Variants in PDE10A observed in about 807,000 individuals in gnomAD.
PDE10A encodes cAMP and cAMP-inhibited cGMP 3',5'-cyclic phosphodiesterase 10A.
In PDE10A, 39 loss-of-function variants were observed where a neutral mutation model predicts 97.7. That is an observed-to-expected ratio of 0.40 (90% CI 0.31 to 0.52). The LOEUF (loss-of-function observed/expected upper bound fraction) is 0.52. Ranked by LOEUF, PDE10A falls within the 20% of genes least tolerant of loss-of-function variation. The probability of loss-of-function intolerance (pLI) is 0.56; values close to 1 mark genes in which losing one functional copy is unlikely to be tolerated. For synonymous variants in PDE10A, 371 were observed against 376.8 expected (o/e 0.98, Z 0.18); for missense variants, 731 against 1,047.8 (o/e 0.70, Z 4.17).
chr6:165,854,127 T>C (rs1006489874), intron 1 of PDE10A, among the ~76,000 whole-genome samples: 6 of 152,070 alleles, frequency 3.9e-5, no homozygotes, highest in African/African-American at 1.4e-4. Flanking sequence ...GGTGAGACCC[T>C]CCCGTGCCAC....
At chr6:165,878,099 C>G (rs1262216754) in intron 1 of PDE10A, among the ~76,000 whole-genome samples, 1 of 152,150 alleles carries the variant, frequency 6.6e-6, no homozygotes, top group Non-Finnish European at 1.5e-5. Flanking sequence ...AAACAAAAGT[C>G]CACCTTGAAT....
chr6:165,410,257 C>T (rs373066379), intron 13 of PDE10A, among the ~76,000 whole-genome samples: 3 of 152,266 alleles, frequency 2.0e-5, no homozygotes, highest in East Asian at 3.9e-4. Flanking sequence ...TCAGTAAATT[C>T]TCAACTGATA....
chr6:165,416,471 G>A (rs1050676926), intron 11 of PDE10A, among the ~76,000 whole-genome samples, 190 bp from the exon 12 acceptor site: 2 of 152,166 alleles, frequency 1.3e-5, no homozygotes, highest in Non-Finnish European at 2.9e-5. Flanking sequence ...CCATTACACA[G>A]TAATCACCTG....
intron 1 of PDE10A, among the ~76,000 whole-genome samples, chr6:165,624,098 G>A (rs1032694936): frequency 1.3e-5 from 2 of 152,116 alleles, no homozygotes; most frequent in Non-Finnish European, 2.9e-5. Flanking sequence ...CTTCCTTAAC[G>A]TCCCCTTCTT....
chr6:165,406,609 T>G (rs220776), intron 13 of PDE10A, among the ~76,000 whole-genome samples: 107,095 of 151,776 alleles, frequency 0.71, 38,422 homozygotes, highest in Middle Eastern at 0.84. Flanking sequence ...CTCACCGTCT[T>G]TGATGGTTAA....
chr6:165,587,743 A>AG (rs1786001000), intron 1 of PDE10A, among the ~76,000 whole-genome samples: 1 of 152,176 alleles, frequency 6.6e-6, no homozygotes, highest in African/African-American at 2.4e-5. Context: ...TTAAAAAAAA[A>AG]TGCAACACAT....
At chr6:165,404,865 A>G (rs1786996023) in intron 13 of PDE10A, among the ~76,000 whole-genome samples, 1 of 151,904 alleles carries the variant, frequency 6.6e-6, no homozygotes, top group Non-Finnish European at 1.5e-5. Context: ...ACAAAACAAA[A>G]CAAAACAAAA....
rs190267044 is a variant in PDE10A at position 165,761,078 on chromosome 6, C to T, written c.-614-217510G>A. Among the ~76,000 whole-genome samples, 199 of 152,278 alleles carry T rather than the reference C, an allele frequency of 1.3e-3. 3 individuals carry two copies. Among genetic ancestry groups the T allele is most frequent in the Admixed American group, 0.011 (163 of 15,304 alleles). ...GGAGGGGCCTGGCCTCTCCCGTTCC[C>T]GGGTGGTAACCTGGGGTTCAATCTG... is the stretch of plus-strand genomic sequence containing the variant. On this transcript the variant is annotated intron_variant, in intron 1 of 19. Transcript: ENST00000366882.
At chr6:165,476,175 A>G (rs904545249) in intron 3 of PDE10A, among the ~76,000 whole-genome samples, 1 of 152,224 alleles carries the variant, frequency 6.6e-6, no homozygotes, top group Non-Finnish European at 1.5e-5. Flanking sequence ...AGAAAAAAAA[A>G]AACCAAAAAT....
intron 1 of PDE10A, among the ~76,000 whole-genome samples, chr6:165,829,050 T>C (rs1160699069): frequency 6.6e-6 from 1 of 152,210 alleles, no homozygotes; most frequent in Non-Finnish European, 1.5e-5. Context: ...GATGAAGTGT[T>C]GGGGTCCCCA....
chr6:165,468,321 C>T (rs1778785161), intron 3 of PDE10A, among the ~76,000 whole-genome samples: 1 of 151,414 alleles, frequency 6.6e-6, no homozygotes, highest in South Asian at 2.1e-4. Context: ...AACTCCTGAC[C>T]TCGTGATCCG....
chr6:165,652,125 TATG>T (rs1385103137), intron 1 of PDE10A, among the ~76,000 whole-genome samples: 1 of 152,204 alleles, frequency 6.6e-6, no homozygotes, highest in East Asian at 1.9e-4. Context: ...CCTAAAAAGT[TATG>T]ATGACTGATT....
chr6:165,944,753 G>A (rs942515655), intron 1 of PDE10A, among the ~76,000 whole-genome samples: 1 of 152,146 alleles, frequency 6.6e-6, no homozygotes, highest in South Asian at 2.1e-4. Context: ...TCAAAGAGCT[G>A]GTTGGATTCC....
chr6:165,658,890 C>T (rs966557811), intron 1 of PDE10A, among the ~76,000 whole-genome samples: 1 of 152,202 alleles, frequency 6.6e-6, no homozygotes, highest in Non-Finnish European at 1.5e-5. Context: ...GCATGGTGGC[C>T]ACTGACCCCT....
chr6:165,929,601 C>T (rs895471813), intron 1 of PDE10A, among the ~76,000 whole-genome samples: 4 of 152,238 alleles, frequency 2.6e-5, no homozygotes, highest in African/African-American at 9.6e-5. Context: ...TGTGCAGGGC[C>T]TTCAGTGCTG....
rs543807475 is a variant in PDE10A, at chr6:165,470,111, G to A, written c.1023+12204C>T. ...AATACAAAAGGCTTATTTGGCTCAC[G>A]GATCTGCTGGTGAGGGCTTCAGGCT... is the stretch of plus-strand genomic sequence containing the variant. On this transcript the variant is annotated intron_variant, in intron 3 of 21. Transcript: ENST00000539869. 4.6e-5 allele frequency among the ~76,000 whole-genome samples: 7 copies of A among 152,218 alleles called. No homozygotes were observed. In the East Asian group the frequency reaches 7.8e-4, roughly 17 times the overall value.
intron 1 of PDE10A, among the ~76,000 whole-genome samples, chr6:165,823,487 T>C (rs1779631374): frequency 3.0e-5 from 2 of 66,802 alleles, no homozygotes; most frequent in Admixed American, 1.5e-4. Context: ...TAACTTTATA[T>C]ATATATATAT....
intron 1 of PDE10A, 128 bp from the exon 2 acceptor site, chr6:165,543,696 A>T: frequency 1.5e-6 from 1 of 669,648 alleles, no homozygotes; most frequent in Non-Finnish European, 2.3e-6. Flanking sequence ...GGCTGGAAAG[A>T]GCGGGAAGGG....
chr6:165,837,199 TA>T (rs201737058), intron 1 of PDE10A, among the ~76,000 whole-genome samples: 9,152 of 128,048 alleles, frequency 0.071, 343 homozygotes, highest in South Asian at 0.14. Flanking sequence ...TAAAGTATAA[TA>T]AAAAAAAAAG....
Sources: allele counts gnomAD v4.1 joint callset (sites outside exome capture counted in the v4.1 genomes callset), GRCh38; gene constraint gnomAD v4.1.1; transcripts MANE v1.5; gene names NCBI Gene and HGNC (gene_info 2026-07-23, HGNC 2026-07-21).